Variants in CBL observed in about 807,000 individuals in gnomAD.
CBL encodes Cbl proto-oncogene, also known as E3 ubiquitin-protein ligase CBL.
A neutral mutation model predicts 96.9 loss-of-function variants in CBL; 45 were observed. The ratio of observed to expected loss-of-function variants is 0.46; its 90% CI spans 0.37 to 0.60. The LOEUF is 0.60. CBL is among the 20% of genes least tolerant of loss of function. CBL has a pLI of 0.00. For missense variants in CBL, 1,024 were observed against 1,143.5 expected, an observed-to-expected ratio of 0.90 and a Z score of 1.51; for synonymous variants, 420 against 426.8, an observed-to-expected ratio of 0.98 and a Z score of 0.20.
chr11:119,230,503 G>A (rs1360286586), intron 1 of CBL, among the ~76,000 whole-genome samples: 1 of 152,162 alleles, frequency 6.6e-6, no homozygotes, highest in Non-Finnish European at 1.5e-5. Context: ...TTCCATTAAT[G>A]TTAGCTTAGG....
chr11:119,228,284 A>G (rs919445276), intron 1 of CBL, among the ~76,000 whole-genome samples: 2 of 151,884 alleles, frequency 1.3e-5, no homozygotes, highest in African/African-American at 4.8e-5. Flanking sequence ...ATGTTTTTTT[A>G]TATGTTTTTG....
Position 119,271,115 on chromosome 11 carries a change from TTATC to T in CBL, c.444-618_444-615del, listed in dbSNP as rs1949845914. Among the ~76,000 whole-genome samples, 3 of 152,226 alleles carry T rather than the reference TTATC, an allele frequency of 2.0e-5. No homozygotes were observed. In the South Asian group the frequency reaches 6.2e-4, roughly 31 times the overall value. On this transcript the variant is annotated intron_variant, in intron 2 of 15. Coordinates refer to ENST00000264033, the MANE Select transcript of CBL (RefSeq NM_005188.4). ...AAAAATTCTTTTAATTAAGACTTATTTATCTTTTATTTAGATATGTTATATGATG... is the reference window on the plus strand; with the variant it reads ...AAAAATTCTTTTAATTAAGACTTATTTTTTATTTAGATATGTTATATGATG...
chr11:119,261,061 C>T (rs1432130905), intron 2 of CBL, among the ~76,000 whole-genome samples: 2 of 149,074 alleles, frequency 1.3e-5, no homozygotes, highest in Non-Finnish European at 3.0e-5. Flanking sequence ...TACAGGTGTG[C>T]GCCACCACGC....
At position 119,298,421 on chromosome 11, in the gene CBL, A is replaced by T. The variant is rs2135321028; in HGVS notation, c.2315A>T (p.Asp772Val). 6.2e-6 allele frequency: 10 copies of T among 1,614,194 alleles called. No individual in the cohort carries two copies. The highest frequency in any genetic ancestry group is 8.5e-6 in the Non-Finnish European group (10 of 1,180,008). Reference sequence around the variant, plus strand: ...CCCGAGGAGTCAGAAAATGAGGATGATGGGTATGATGTCCCAAAGCCACCT... The same window carrying T: ...CCCGAGGAGTCAGAAAATGAGGATGTTGGGTATGATGTCCCAAAGCCACCT... ...TGPEESENED[D>V]GYDVPKPPVP... The change falls in exon 15 of 16, where the codon GAT becomes GTT. Residue 772 changes from aspartate to valine, a missense_variant. Physicochemically the swap from Asp to Val is radical, Grantham distance 152. Coordinates refer to ENST00000264033, the MANE Select transcript of CBL (RefSeq NM_005188.4).
chr11:119,291,048 T>C (rs146277670), intron 12 of CBL, among the ~76,000 whole-genome samples: 221 of 152,288 alleles, frequency 1.5e-3, no homozygotes, highest in African/African-American at 5.2e-3. Flanking sequence ...CTCTTTTGGC[T>C]TCCATTGTTT....
intron 2 of CBL, among the ~76,000 whole-genome samples, chr11:119,237,577 C>T (rs921105422): frequency 1.3e-5 from 2 of 152,246 alleles, no homozygotes; most frequent in Non-Finnish European, 1.5e-5. Flanking sequence ...AGGTAGAGGT[C>T]CAACTTGATT....
At chr11:119,270,486 G>A (rs1290732738) in intron 2 of CBL, among the ~76,000 whole-genome samples, 7 of 110,540 alleles carry the variant, frequency 6.3e-5, no homozygotes, top group African/African-American at 2.1e-4. Flanking sequence ...TCGCTCTGTC[G>A]CCCAGGCTGG....
chr11:119,258,997 T>G (rs1327146192), intron 2 of CBL, among the ~76,000 whole-genome samples: 3 of 152,218 alleles, frequency 2.0e-5, no homozygotes, highest in African/African-American at 7.2e-5. Flanking sequence ...TTTCATCTCC[T>G]TGGTTAAATA....
intron 14 of CBL, among the ~76,000 whole-genome samples, chr11:119,297,730 G>A (rs544912602): frequency 1.2e-4 from 19 of 152,260 alleles, no homozygotes; most frequent in African/African-American, 3.6e-4. Flanking sequence ...GATTACAGGC[G>A]TGAGCCACCA....
intron 2 of CBL, among the ~76,000 whole-genome samples, chr11:119,237,847 G>C (rs963255685): frequency 6.6e-6 from 1 of 151,992 alleles, no homozygotes; most frequent in Non-Finnish European, 1.5e-5. Context: ...TTTCAAGATT[G>C]TTTTGGCTGC....
rs1950137952 is a variant in CBL, at chr11:119,306,068, T to C, written c.*6287T>C. 2.6e-6 allele frequency: 1 copy of C among 385,858 alleles called. No individual in the cohort carries two copies. The highest frequency in any genetic ancestry group is 4.5e-5 in the Admixed American group (1 of 22,216). The allele number at this position is 385,858 out of a possible 1,614,324, so 23.9% of individuals were successfully genotyped here. A position where few individuals can be genotyped will look rare whatever the true frequency, so the allele number is the denominator to read the frequency against. ...AATCTGGGTTGGTTCCAGTGGGAAA[T>C]ACCAGTATTTCTTGGTTCTGGAAAG... is the stretch of plus-strand genomic sequence containing the variant. On this transcript the variant is annotated 3_prime_UTR_variant, in exon 16 of 16. Coordinates refer to ENST00000264033, the MANE Select transcript of CBL (RefSeq NM_005188.4).
At chr11:119,226,382 A>G (rs1000638266) in intron 1 of CBL, among the ~76,000 whole-genome samples, 2 of 152,166 alleles carry the variant, frequency 1.3e-5, no homozygotes, top group African/African-American at 4.8e-5. Flanking sequence ...AAACTGTGCA[A>G]TCCTTTTATG....
At chr11:119,231,296 G>C (rs1158468937) in intron 1 of CBL, among the ~76,000 whole-genome samples, 1 of 152,134 alleles carries the variant, frequency 6.6e-6, no homozygotes. Flanking sequence ...CCAGCTACTT[G>C]GGAGGCTGAA....
rs757456261 is a variant in CBL, at chr11:119,278,529, G to A, written c.1247G>A (p.Cys416Tyr). 6.2e-7 allele frequency: 1 copy of A among 1,614,144 alleles called. No individual in the cohort carries two copies. Reference sequence around the variant, plus strand: ...CTGCAGGAATCAGAAGGTCAGGGCTGTCCTTTCTGCCGATGTGAAATTAAA... The same window carrying A: ...CTGCAGGAATCAGAAGGTCAGGGCTATCCTTTCTGCCGATGTGAAATTAAA... ...TSWQESEGQG[C>Y]PFCRCEIKGT... The change falls in exon 9 of 16, where the codon TGT (cysteine) becomes TAT (tyrosine). Residue 416 changes from cysteine (C) to tyrosine (Y), a missense_variant. Cys to Tyr is a radical substitution (Grantham distance 194). Around this residue, in one of 4 missense-constraint regions of CBL, gnomAD observed 695 missense variants for 661.6 expected, o/e 1.05. Transcript: ENST00000264033.
In CBL at chr11:119,266,032, A is replaced by AAAAAAAAAAAAG. The variant is rs1213584463; in HGVS notation, c.444-5700_444-5699insAAAAAAAAGAAA. On this transcript the variant is annotated intron_variant, in intron 2 of 15. Transcript: ENST00000264033. ...AGACTCCATCTCAAAAAAAAAAAAA[A>AAAAAAAAAAAAG]AAAGAAAGAAAGAAAGAAAAATTAG... Among the ~76,000 whole-genome samples the AAAAAAAAAAAAG allele has an allele frequency of 1.8e-3, 266 of 148,842 alleles. 5 individuals are homozygous for AAAAAAAAAAAAG. The highest frequency in any genetic ancestry group is 8.0e-3 in the Admixed American group (118 of 14,800).
chr11:119,274,676 TCTC>T (rs1949874715), intron 4 of CBL, among the ~76,000 whole-genome samples, 153 bp from the exon 5 acceptor site: 1 of 152,188 alleles, frequency 6.6e-6, no homozygotes, highest in African/African-American at 2.4e-5. Context: ...GAGTTTTTAA[TCTC>T]CTGAACACAT....
At chr11:119,213,201 A>G (rs577260901) in intron 1 of CBL, among the ~76,000 whole-genome samples, 2 of 152,238 alleles carry the variant, frequency 1.3e-5, no homozygotes, top group Non-Finnish European at 2.9e-5. Flanking sequence ...TGTGCCTCCT[A>G]AAAGCACCTT....
chr11:119,236,342 GT>G (rs200074614), intron 2 of CBL, among the ~76,000 whole-genome samples: 2 of 150,324 alleles, frequency 1.3e-5, no homozygotes, highest in South Asian at 2.1e-4. Flanking sequence ...GCCTTTTGTG[GT>G]TTTTTTTTGT....
chr11:119,266,044 G>GA (rs1949801479), intron 2 of CBL, among the ~76,000 whole-genome samples: 1 of 133,754 alleles, frequency 7.5e-6, no homozygotes, highest in Non-Finnish European at 1.6e-5. Flanking sequence ...AAGAAAGAAA[G>GA]AAAGAAAAAT....
Sources: gnomAD v4.1 joint callset for allele counts (sites outside exome capture counted in the v4.1 genomes callset) on GRCh38, gnomAD v4.1.1 for gene constraint, gnomAD v4.1.1 regional missense constraint, MANE v1.5 for transcripts, NCBI Gene and HGNC (gene_info 2026-07-23, HGNC 2026-07-21) for gene names.